DNAJC10: variants seen among roughly 807,000 people sequenced by gnomAD.
DNAJC10 encodes the protein endoplasmic reticulum disulfide reductase DNAJC10.
In DNAJC10, 101 loss-of-function variants were observed where a neutral mutation model predicts 115.0. The ratio of observed to expected loss-of-function variants is 0.88; its 90% CI spans 0.75 to 1.04. The LOEUF is 1.04. Among genes scored for constraint, DNAJC10 ranks in the 50% least tolerant of loss-of-function variants. The pLI, the probability that DNAJC10 is intolerant of heterozygous loss-of-function variation, is 0.00. For synonymous variants in DNAJC10, 307 were observed against 301.5 expected, an observed-to-expected ratio of 1.02 and a Z score of -0.19; for missense variants, 981 against 928.8, an observed-to-expected ratio of 1.06 and a Z score of -0.73.
rs193243429 is a variant in DNAJC10 at position 182,776,390 on chromosome 2, C to G, written c.2371-731C>G. The stretch of plus-strand genomic sequence containing the variant: ...TCTTCAGAAGGCAGTTCAGTTTTAC[C>G]TTTTTCAAATCGGTGTTACTGTAGA... On this transcript the variant is annotated intron_variant, in intron 23 of 23. Transcript: ENST00000264065. 2.0e-3 allele frequency among the ~76,000 whole-genome samples: 308 copies of G among 152,160 alleles called. 7 individuals carry two copies. The highest frequency in any genetic ancestry group is 7.7e-4 in the East Asian group (4 of 5,192).
chr2:182,792,479 A>G lies in DNAJC10; in HGVS notation c.*15347A>G, dbSNP rs1445328020. 2.0e-5 allele frequency: 3 copies of G among 152,192 alleles called. No individual in the cohort carries two copies. Among genetic ancestry groups the G allele is most frequent in the South Asian group, 2.1e-4 (1 of 4,826 alleles). 9.4% of individuals were successfully genotyped at this position (152,192 alleles called of 1,614,324 possible). The stretch of plus-strand genomic sequence containing the variant: ...TTTCAGCTTCCTGTTTTGTCCCTCA[A>G]TGTTCACAAAAGTCCCATCTGATAA... On this transcript the variant is annotated 3_prime_UTR_variant, in exon 24 of 24. Transcript: ENST00000264065.
intron 22 of DNAJC10, among the ~76,000 whole-genome samples, chr2:182,765,475 AC>A: frequency 6.6e-6 from 1 of 152,254 alleles, no homozygotes. Flanking sequence ...ATTGCCAGCC[AC>A]CCCAACATCC....
At chr2:182,728,547 T>C (rs1453894916) in intron 5 of DNAJC10, 29 bp from the exon 6 acceptor site, 1 of 1,513,350 alleles carries the variant, frequency 6.6e-7, no homozygotes, top group Non-Finnish European at 9.1e-7. Context: ...TAAATAATTC[T>C]AAGTTGTTTG....
At position 182,757,739 on chromosome 2, in the gene DNAJC10, T is replaced by C. The variant is rs905249415; in HGVS notation, c.1857T>C (p.Tyr619=). ...TGGGCAGTATAGATTGCCAACAGTA[T>C]CATTCTTTTTGTGCCCAGGAAAACG... ...INVGSIDCQQ[Y]HSFCAQENVQ... The change falls in exon 19 of 24, where the codon TAT becomes TAC. Residue 619 remains tyrosine (Y), a synonymous_variant. Transcript: ENST00000264065. 3 of 1,605,378 alleles carry C rather than the reference T, an allele frequency of 1.9e-6. No homozygotes were observed. Among genetic ancestry groups the C allele is most frequent in the Non-Finnish European group, 2.6e-6 (3 of 1,175,902 alleles).
intron 21 of DNAJC10, among the ~76,000 whole-genome samples, chr2:182,759,880 C>T (rs1461881526): frequency 6.6e-6 from 1 of 152,024 alleles, no homozygotes; most frequent in African/African-American, 2.4e-5. Context: ...ATTCTGTTTT[C>T]CATCTGCAAT....
At position 182,785,459 on chromosome 2, in the gene DNAJC10, A is replaced by G. The variant is rs1479962567; in HGVS notation, c.*8327A>G. The G allele has an allele frequency of 6.6e-6, 1 of 152,136 alleles. No homozygotes were observed. The highest frequency in any genetic ancestry group is 1.5e-5 in the Non-Finnish European group (1 of 68,002). 9.4% of individuals were successfully genotyped at this position (152,136 alleles called of 1,614,324 possible). Reference sequence around the variant, plus strand: ...AAGTACTTACTATGAGTTTGGAAAAATTGCTTACTTCATATCTGTATCCTA... The same window carrying G: ...AAGTACTTACTATGAGTTTGGAAAAGTTGCTTACTTCATATCTGTATCCTA... On this transcript the variant is annotated 3_prime_UTR_variant, in exon 24 of 24. Coordinates refer to ENST00000264065, the MANE Select transcript of DNAJC10 (RefSeq NM_018981.4).
intron 14 of DNAJC10, 51 bp from the exon 15 acceptor site, chr2:182,751,607 G>A (rs1221903860): frequency 6.3e-7 from 1 of 1,583,010 alleles, no homozygotes; most frequent in East Asian, 2.2e-5. Context: ...ATGTCTCTGT[G>A]CATACAAAAA....
At chr2:182,745,909 A>T (rs1173791947) in intron 14 of DNAJC10, among the ~76,000 whole-genome samples, 1 of 151,576 alleles carries the variant, frequency 6.6e-6, no homozygotes, top group Non-Finnish European at 1.5e-5. Flanking sequence ...CCACAACAGT[A>T]CCCAGAGTGT....
chr2:182,730,262 G>A (rs1192103215), intron 8 of DNAJC10, among the ~76,000 whole-genome samples: 1 of 152,134 alleles, frequency 6.6e-6, no homozygotes, highest in African/African-American at 2.4e-5. Context: ...TTATCAATCA[G>A]TAAATTCAAA....
intron 8 of DNAJC10, among the ~76,000 whole-genome samples, chr2:182,730,189 G>C (rs542967244): frequency 6.6e-6 from 1 of 152,130 alleles, no homozygotes; most frequent in Middle Eastern, 3.2e-3. Flanking sequence ...GGTAAAAAAG[G>C]CATCTCTCAA....
In DNAJC10 at chr2:182,779,614, T is replaced by C. The variant is rs1266686896; in HGVS notation, c.*2482T>C. On this transcript the variant is annotated 3_prime_UTR_variant, in exon 24 of 24. Coordinates refer to ENST00000264065, the MANE Select transcript of DNAJC10 (RefSeq NM_018981.4). ...ATTATGTTTTGGGCATTAATGATGTTTGTCTATTCTGATTTCTCAAATTTT... is the reference window on the plus strand; with the variant it reads ...ATTATGTTTTGGGCATTAATGATGTCTGTCTATTCTGATTTCTCAAATTTT... The C allele has an allele frequency of 1.3e-5, 2 of 152,212 alleles. No homozygotes were observed. The highest frequency in any genetic ancestry group is 3.8e-4 in the East Asian group (2 of 5,202). 9.4% of individuals were successfully genotyped at this position (152,212 alleles called of 1,614,324 possible).
chr2:182,780,171 T>C lies in DNAJC10; in HGVS notation c.*3039T>C, dbSNP rs1351900119. 1 of 152,138 alleles carries C rather than the reference T, an allele frequency of 6.6e-6. No individual in the cohort carries two copies. Among genetic ancestry groups the C allele is most frequent in the African/African-American group, 2.4e-5 (1 of 41,432 alleles). The allele number at this position is 152,138 out of a possible 1,614,324, so 9.4% of individuals were successfully genotyped here. On this transcript the variant is annotated 3_prime_UTR_variant, in exon 24 of 24. Coordinates refer to ENST00000264065, the MANE Select transcript of DNAJC10 (RefSeq NM_018981.4). Reference sequence around the variant, plus strand: ...TCTTCTAGTGAAGAAGTTTGTAATATGGTTTGAGTATTTGTCCCCTCCAAA... The same window carrying C: ...TCTTCTAGTGAAGAAGTTTGTAATACGGTTTGAGTATTTGTCCCCTCCAAA...
chr2:182,762,717 C>G lies in DNAJC10; in HGVS notation c.2181C>G (p.Asp727Glu). The G allele has an allele frequency of 6.2e-7, 1 of 1,612,406 alleles. No homozygotes were observed. Among genetic ancestry groups the G allele is most frequent in the Non-Finnish European group, 8.5e-7 (1 of 1,178,820 alleles). Residue 727 changes from aspartate (D) to glutamate (E), a missense_variant, in exon 22 of 24, where the codon GAC becomes GAG. Asp to Glu is a conservative substitution (Grantham distance 45). Transcript: ENST00000264065. ...IKGKVKAGKV[D>E]CQAYAQTCQK... ...GAAAAGTGAAAGCTGGAAAAGTAGA[C>G]TGTCAGGCTTATGCTCAGACATGCC...
At chr2:182,769,221 A>G (rs1198671138) in intron 22 of DNAJC10, among the ~76,000 whole-genome samples, 6 of 152,120 alleles carry the variant, frequency 3.9e-5, no homozygotes, top group East Asian at 1.9e-4. Flanking sequence ...AATCCAGTCT[A>G]TCATTGATGT....
At chr2:182,729,786 AT>A in intron 7 of DNAJC10, 61 bp from the exon 8 acceptor site, 1 of 1,093,990 alleles carries the variant, frequency 9.1e-7, no homozygotes, top group South Asian at 1.4e-5. Flanking sequence ...CTTTGGTATT[AT>A]TTTTATTGAG....
At chr2:182,756,037 T>C (rs1200996314) in intron 17 of DNAJC10, among the ~76,000 whole-genome samples, 3 of 152,192 alleles carry the variant, frequency 2.0e-5, no homozygotes, top group African/African-American at 7.2e-5. Context: ...CTTAAGCATC[T>C]TTTGGTTTCT....
chr2:182,766,078 T>C (rs1694404115), intron 22 of DNAJC10, among the ~76,000 whole-genome samples: 1 of 152,214 alleles, frequency 6.6e-6, no homozygotes, highest in Non-Finnish European at 1.5e-5. Flanking sequence ...ACCTTGTAGG[T>C]TGGCACCAAG....
At chr2:182,776,990 A>G (rs1188912822) in intron 23 of DNAJC10, 131 bp from the exon 24 acceptor site, 2 of 534,974 alleles carry the variant, frequency 3.7e-6, no homozygotes, top group East Asian at 3.3e-5. Flanking sequence ...ATTTCATGTC[A>G]TGATCCATTA....
At chr2:182,762,544 T>A in intron 21 of DNAJC10, 138 bp from the exon 22 acceptor site, 1 of 886,116 alleles carries the variant, frequency 1.1e-6, no homozygotes, top group Non-Finnish European at 1.7e-6. Context: ...AATGTGGAAA[T>A]AATCTTGTTT....
Sources: allele counts gnomAD v4.1 joint callset (sites outside exome capture counted in the v4.1 genomes callset), GRCh38; gene constraint gnomAD v4.1.1; transcripts MANE v1.5; gene names NCBI Gene and HGNC (gene_info 2026-07-23, HGNC 2026-07-21).